The following ZFAND3 variants were observed in gnomAD, a reference collection of about 807,000 sequenced individuals.
ZFAND3 encodes AN1-type zinc finger protein 3.
Under a neutral mutation model 29.6 loss-of-function variants are expected in ZFAND3, and 10 were observed. That is an observed-to-expected ratio of 0.34 (90% CI 0.21 to 0.57). ZFAND3 has a LOEUF of 0.57. Among genes scored for constraint, ZFAND3 ranks in the 20% least tolerant of loss-of-function variants. The probability of loss-of-function intolerance (pLI) is 0.86; values close to 1 mark genes in which losing one functional copy is unlikely to be tolerated. For synonymous variants in ZFAND3, 128 were observed against 112.6 expected (o/e 1.14, Z -0.87); for missense variants, 230 against 304.5 (o/e 0.76, Z 1.82).
chr6:38,012,464 C>T (rs770798944), intron 2 of ZFAND3, among the ~76,000 whole-genome samples: 1 of 151,246 alleles, frequency 6.6e-6, no homozygotes, highest in African/African-American at 2.4e-5. Context: ...CTGCAACCTC[C>T]GCCTCCCGGG....
chr6:37,944,484 A>C (rs1761866738), intron 2 of ZFAND3, among the ~76,000 whole-genome samples: 1 of 152,174 alleles, frequency 6.6e-6, no homozygotes, highest in Non-Finnish European at 1.5e-5. Context: ...ACATGGCCCT[A>C]CAAGAGGAGG....
At chr6:38,035,465 A>G (rs1334968348) in intron 2 of ZFAND3, among the ~76,000 whole-genome samples, 1 of 152,198 alleles carries the variant, frequency 6.6e-6, no homozygotes, top group East Asian at 1.9e-4. Flanking sequence ...AAGTCTTAAA[A>G]ATAATCCTCA....
intron 5 of ZFAND3, among the ~76,000 whole-genome samples, chr6:38,121,943 G>A (rs1287739216): frequency 1.3e-5 from 2 of 152,098 alleles, no homozygotes; most frequent in Non-Finnish European, 2.9e-5. Flanking sequence ...GATGATTCTT[G>A]CCTAAGCCAG....
intron 1 of ZFAND3, among the ~76,000 whole-genome samples, chr6:37,896,514 T>TTCTCTTTC (rs1554153803): frequency 1.8e-5 from 2 of 109,100 alleles, no homozygotes; most frequent in Non-Finnish European, 3.7e-5. Flanking sequence ...TTCCTCTTTC[T>TTCTCTTTC]TTTCTTTCTT....
intron 2 of ZFAND3, among the ~76,000 whole-genome samples, chr6:37,982,813 G>C (rs779674996): frequency 1.3e-5 from 2 of 152,146 alleles, no homozygotes; most frequent in Non-Finnish European, 2.9e-5. Context: ...AGAAGGCAGT[G>C]TTGTCACTGG....
chr6:37,964,588 G>A (rs1426066902), intron 2 of ZFAND3, among the ~76,000 whole-genome samples: 2 of 152,188 alleles, frequency 1.3e-5, no homozygotes, highest in African/African-American at 2.4e-5. Flanking sequence ...CCAATGAGAC[G>A]TATGTATTCT....
intron 1 of ZFAND3, among the ~76,000 whole-genome samples, chr6:37,881,198 A>G (rs1384371930): frequency 6.6e-6 from 1 of 152,004 alleles, no homozygotes; most frequent in Non-Finnish European, 1.5e-5. Flanking sequence ...CAGTCTCCCA[A>G]GTAGCTGGGA....
Position 37,968,331 on chromosome 6 carries a change from C to CA in ZFAND3, c.112+38332_112+38333insA, listed in dbSNP as rs559153736. On this transcript the variant is annotated intron_variant, in intron 2 of 5. Coordinates refer to ENST00000287218, the MANE Select transcript of ZFAND3 (RefSeq NM_021943.3). ...AAATTATTAATTGGGTGAGGCCTAA[C>CA]CATTGATAGGATATTATGCATTTAG... 1.7e-4 allele frequency among the ~76,000 whole-genome samples: 25 copies of CA among 151,412 alleles called. 1 individual carries two copies. The South Asian group carries it at 5.0e-3, about 31-fold the overall frequency.
intron 2 of ZFAND3, among the ~76,000 whole-genome samples, chr6:37,933,498 T>C (rs1216638258): frequency 6.6e-6 from 1 of 152,200 alleles, no homozygotes; most frequent in East Asian, 1.9e-4. Context: ...TAAAATATTC[T>C]TGGGATGTTT....
At chr6:37,880,712 C>CCCTTCTACTGT (rs1764876706) in intron 1 of ZFAND3, among the ~76,000 whole-genome samples, 1 of 151,304 alleles carries the variant, frequency 6.6e-6, no homozygotes, top group Non-Finnish European at 1.5e-5. Context: ...CTGTATAGTT[C>CCCTTCTACTGT]TGAATCACAA....
chr6:38,017,750 G>A (rs150007030), intron 2 of ZFAND3, among the ~76,000 whole-genome samples: 33 of 151,860 alleles, frequency 2.2e-4, no homozygotes, highest in Admixed American at 1.2e-3. Flanking sequence ...AGTCTTCCGG[G>A]AAACTCCCTT....
chr6:38,074,321 A>C (rs1212071982), intron 3 of ZFAND3, among the ~76,000 whole-genome samples: 1 of 152,236 alleles, frequency 6.6e-6, no homozygotes, highest in East Asian at 1.9e-4. Flanking sequence ...TTTTCATAAA[A>C]GAGTAAGTTT....
At chr6:37,929,769 T>G (rs1761558555) in intron 1 of ZFAND3, among the ~76,000 whole-genome samples, 190 bp from the exon 2 acceptor site, 1 of 151,842 alleles carries the variant, frequency 6.6e-6, no homozygotes, top group Non-Finnish European at 1.5e-5. Flanking sequence ...TTTTGTTTTT[T>G]TTTTTTAATT....
chr6:38,099,819 AAAC>A (rs1399091168), intron 4 of ZFAND3, among the ~76,000 whole-genome samples: 2 of 152,242 alleles, frequency 1.3e-5, no homozygotes, highest in African/African-American at 4.8e-5. Context: ...AGAGGAAGTC[AAAC>A]AACTCTCTTC....
intron 1 of ZFAND3, among the ~76,000 whole-genome samples, chr6:37,886,439 T>C (rs140184175): frequency 3.9e-4 from 59 of 152,250 alleles, no homozygotes; most frequent in African/African-American, 1.3e-3. Flanking sequence ...GAATTTAGAT[T>C]TGATTTGTTA....
At chr6:38,005,878 C>T (rs141255852) in intron 2 of ZFAND3, among the ~76,000 whole-genome samples, 1 of 152,306 alleles carries the variant, frequency 6.6e-6, no homozygotes, top group South Asian at 2.1e-4. Context: ...GACATCAGCA[C>T]ATATATGGAC....
chr6:37,858,460 G>C (rs935461180), intron 1 of ZFAND3, among the ~76,000 whole-genome samples: 3 of 152,178 alleles, frequency 2.0e-5, no homozygotes, highest in Non-Finnish European at 2.9e-5. Context: ...AGTAGGCTGT[G>C]GAGTAATAGA....
chr6:38,018,197 T>C (rs1763284763), intron 2 of ZFAND3, among the ~76,000 whole-genome samples: 2 of 152,196 alleles, frequency 1.3e-5, no homozygotes, highest in Non-Finnish European at 2.9e-5. Context: ...CCATAATCTT[T>C]ATTATAAAAG....
chr6:38,001,200 TAA>T (rs1762942683), intron 2 of ZFAND3, among the ~76,000 whole-genome samples: 1 of 152,252 alleles, frequency 6.6e-6, no homozygotes, highest in Non-Finnish European at 1.5e-5. Context: ...TTCTTTTAAA[TAA>T]GTTACTTTCT....
Sources: gnomAD v4.1 joint callset for allele counts (sites outside exome capture counted in the v4.1 genomes callset) on GRCh38, gnomAD v4.1.1 for gene constraint, MANE v1.5 for transcripts, NCBI Gene and HGNC (gene_info 2026-07-23, HGNC 2026-07-21) for gene names.